The following THSD7A variants were observed in gnomAD, a reference collection of about 807,000 sequenced individuals.
The protein encoded by THSD7A is thrombospondin type 1 domain containing 7A.
Under a neutral mutation model 231.3 loss-of-function variants are expected in THSD7A, and 96 were observed. The observed-to-expected ratio is 0.41, with a 90% CI of 0.35 to 0.49. The LOEUF (loss-of-function observed/expected upper bound fraction) is 0.49, where lower values mean the gene tolerates loss of function less well. Among genes scored for constraint, THSD7A ranks in the 20% least tolerant of loss-of-function variants. THSD7A has a pLI of 0.05. For synonymous variants in THSD7A, 940 were observed against 743.3 expected, an observed-to-expected ratio of 1.26 and a Z score of -4.30; for missense variants, 2,290 against 2,070.2, an observed-to-expected ratio of 1.11 and a Z score of -2.06.
intron 6 of THSD7A, among the ~76,000 whole-genome samples, chr7:11,520,913 C>T (rs1172049071): frequency 6.6e-6 from 1 of 152,116 alleles, no homozygotes; most frequent in East Asian, 1.9e-4. Context: ...CAATTTTAGC[C>T]ATGGCAACAA....
At chr7:11,656,228 A>G (rs907411300) in intron 1 of THSD7A, among the ~76,000 whole-genome samples, 1 of 151,948 alleles carries the variant, frequency 6.6e-6, no homozygotes, top group Non-Finnish European at 1.5e-5. Flanking sequence ...GAGTGAATGC[A>G]TGACAAATGC....
At chr7:11,658,332 G>A (rs1227219947) in intron 1 of THSD7A, among the ~76,000 whole-genome samples, 1 of 151,680 alleles carries the variant, frequency 6.6e-6, no homozygotes, top group Non-Finnish European at 1.5e-5. Flanking sequence ...AGAAGGATGT[G>A]TCTATCACGT....
At chr7:11,585,515 G>A (rs898064042) in intron 4 of THSD7A, among the ~76,000 whole-genome samples, 1 of 152,168 alleles carries the variant, frequency 6.6e-6, no homozygotes, top group Non-Finnish European at 1.5e-5. Flanking sequence ...AGAGAGTTAA[G>A]TTCCCACCGC....
chr7:11,776,363 T>G (rs1783405252), intron 1 of THSD7A, among the ~76,000 whole-genome samples: 1 of 152,206 alleles, frequency 6.6e-6, no homozygotes, highest in Non-Finnish European at 1.5e-5. Context: ...AAAGCTGCTG[T>G]GACTACAATG....
chr7:11,536,843 GCTT>G (rs1788935633), intron 6 of THSD7A, among the ~76,000 whole-genome samples: 2 of 128,400 alleles, frequency 1.6e-5, no homozygotes, highest in African/African-American at 6.8e-5. Context: ...TTCCTGGCAT[GCTT>G]GCTTTGCTCC....
chr7:11,429,977 A>G (rs1308473898), intron 13 of THSD7A, among the ~76,000 whole-genome samples: 2 of 152,204 alleles, frequency 1.3e-5, no homozygotes, highest in Non-Finnish European at 2.9e-5. Context: ...CACAATATCA[A>G]TTAAACACTA....
chr7:11,813,003 A>C (rs2128184766), intron 1 of THSD7A, among the ~76,000 whole-genome samples: 1 of 152,322 alleles, frequency 6.6e-6, no homozygotes. Flanking sequence ...GAGTACCATA[A>C]GAATACAAGG....
intron 1 of THSD7A, among the ~76,000 whole-genome samples, chr7:11,774,559 A>G (rs1783339417): frequency 1.3e-5 from 2 of 152,068 alleles, no homozygotes; most frequent in Admixed American, 1.3e-4. Context: ...GGTAATGGAT[A>G]TTTTTATTAC....
At chr7:11,648,008 A>G (rs1044014123) in intron 1 of THSD7A, among the ~76,000 whole-genome samples, 2 of 152,118 alleles carry the variant, frequency 1.3e-5, no homozygotes, top group African/African-American at 4.8e-5. Context: ...GCATTAACAC[A>G]GTCCACAAAG....
At chr7:11,691,684 A>G (rs1780235238) in intron 1 of THSD7A, among the ~76,000 whole-genome samples, 1 of 151,446 alleles carries the variant, frequency 6.6e-6, no homozygotes, top group African/African-American at 2.4e-5. Context: ...ATTCAGAGTT[A>G]GTACTGTATT....
At chr7:11,486,023 A>G (rs1312186565) in intron 6 of THSD7A, among the ~76,000 whole-genome samples, 3 of 152,206 alleles carry the variant, frequency 2.0e-5, no homozygotes, top group Non-Finnish European at 4.4e-5. Flanking sequence ...TTCCAGGCAT[A>G]AGTCATCTGG....
At chr7:11,499,253 T>C (rs1005422266) in intron 6 of THSD7A, among the ~76,000 whole-genome samples, 4 of 152,168 alleles carry the variant, frequency 2.6e-5, no homozygotes, top group Admixed American at 1.3e-4. Context: ...AGCACAAACC[T>C]TCCATCTTGG....
Position 11,379,623 on chromosome 7 carries a change from C to A in THSD7A, c.4590+7G>T. 1 of 1,573,564 alleles carries A rather than the reference C, an allele frequency of 6.4e-7. No individual in the cohort carries two copies. On this transcript the variant is annotated splice_region_variant and intron_variant, in intron 25 of 27. Transcript: ENST00000423059. Reference sequence around the variant, plus strand: ...TGGCTTGTCTGCCCTGATGAATTTTCACATACCTCGCTACAGTACGAGTGG... The same window carrying A: ...TGGCTTGTCTGCCCTGATGAATTTTAACATACCTCGCTACAGTACGAGTGG...
intron 6 of THSD7A, among the ~76,000 whole-genome samples, chr7:11,525,830 T>C (rs1788450079): frequency 6.6e-6 from 1 of 152,144 alleles, no homozygotes; most frequent in South Asian, 2.1e-4. Flanking sequence ...GTCTTTCACA[T>C]AAAACAAAGA....
intron 23 of THSD7A, among the ~76,000 whole-genome samples, chr7:11,392,514 G>A (rs889501361): frequency 1.1e-4 from 17 of 151,514 alleles, no homozygotes; most frequent in African/African-American, 3.6e-4. Flanking sequence ...AGTGGGGCCT[G>A]GAGCACCAGC....
rs1782019893 is a variant in THSD7A, at chr7:11,370,728, GTTAAA to G, written c.*5061_*5065del. 1.3e-5 allele frequency: 2 copies of G among 152,068 alleles called. No individual in the cohort carries two copies. Among genetic ancestry groups the G allele is most frequent in the African/African-American group, 2.4e-5 (1 of 41,412 alleles). The allele number at this position is 152,068 out of a possible 1,614,324, so 9.4% of individuals were successfully genotyped here. A position where few individuals can be genotyped will look rare whatever the true frequency, so the allele number is the denominator to read the frequency against. ...TTTAAACAAAATAAATATTCAGGTA[GTTAAA>G]TTAACATAAAATACACATTTAGGGA... On this transcript the variant is annotated 3_prime_UTR_variant, in exon 28 of 28. Transcript: ENST00000423059.
intron 1 of THSD7A, among the ~76,000 whole-genome samples, chr7:11,829,968 C>T (rs1056630497): frequency 6.6e-6 from 1 of 152,096 alleles, no homozygotes; most frequent in African/African-American, 2.4e-5. Context: ...TTTCTCATAA[C>T]TCATGTGATT....
At chr7:11,662,996 TA>T (rs1412121669) in intron 1 of THSD7A, among the ~76,000 whole-genome samples, 1 of 150,986 alleles carries the variant, frequency 6.6e-6, no homozygotes, top group Non-Finnish European at 1.5e-5. Context: ...AGTATTCATA[TA>T]AAGAAATTAG....
At chr7:11,758,856 T>C (rs1461894153) in intron 1 of THSD7A, among the ~76,000 whole-genome samples, 2 of 152,046 alleles carry the variant, frequency 1.3e-5, no homozygotes, top group African/African-American at 2.4e-5. Flanking sequence ...GCCATTGTAA[T>C]GGGAAAGCAG....
Sources: allele counts gnomAD v4.1 joint callset (sites outside exome capture counted in the v4.1 genomes callset), GRCh38; gene constraint gnomAD v4.1.1; transcripts MANE v1.5; gene names NCBI Gene and HGNC (gene_info 2026-07-23, HGNC 2026-07-21).